The following PTCHD1 variants were observed in gnomAD, a reference collection of about 807,000 sequenced individuals.
The protein encoded by PTCHD1 is patched domain containing 1, also known as patched domain-containing protein 1.
A neutral mutation model predicts 34.6 loss-of-function variants in PTCHD1; 3 were observed. The ratio of observed to expected loss-of-function variants is 0.09; its 90% CI spans 0.04 to 0.22. PTCHD1 has a LOEUF of 0.22. PTCHD1 is among the 10% of genes least tolerant of loss of function. The probability of loss-of-function intolerance (pLI) is 1.00; values close to 1 mark genes in which losing one functional copy is unlikely to be tolerated. For missense variants in PTCHD1, 504 were observed against 685.5 expected, an observed-to-expected ratio of 0.74 and a Z score of 2.96; for synonymous variants, 305 against 283.1, an observed-to-expected ratio of 1.08 and a Z score of -0.77.
chrX:23,379,310 T>G (rs1405180863), intron 1 of PTCHD1, among the ~76,000 whole-genome samples: 1 of 111,893 alleles, frequency 8.9e-6, no homozygotes, highest in African/African-American at 3.3e-5. Flanking sequence ...CCCAGATTCC[T>G]GGGCTACACC....
chrX:23,400,014 T>C lies in PTCHD1; in HGVS notation c.*5829T>C, dbSNP rs1436133803. 1 of 112,000 alleles carries C rather than the reference T, an allele frequency of 8.9e-6. No individual in the cohort carries two copies. The highest frequency in any genetic ancestry group is 3.2e-5 in the African/African-American group (1 of 30,775). 9.2% of individuals were successfully genotyped at this position (112,000 alleles called of 1,213,427 possible). On this transcript the variant is annotated 3_prime_UTR_variant, in exon 3 of 3. Coordinates refer to ENST00000379361, the MANE Select transcript of PTCHD1 (RefSeq NM_173495.3). ...TGTTTACAACTGCATACCACATCCT[T>C]AGAAGGCCTGCTCCCAAATGAGCCC...
intron 1 of PTCHD1, among the ~76,000 whole-genome samples, chrX:23,362,623 G>A (rs908273855): frequency 8.9e-5 from 10 of 111,946 alleles, no homozygotes; most frequent in African/African-American, 2.9e-4. Context: ...TGAAGTCTAC[G>A]TCTGTCAGCT....
At chrX:23,385,443 G>C (rs1922663387) in intron 2 of PTCHD1, among the ~76,000 whole-genome samples, 1 of 111,339 alleles carries the variant, frequency 9.0e-6, no homozygotes. Flanking sequence ...TGGGTGGTCT[G>C]TCTACCCGGT....
chrX:23,384,903 A>G (rs990257659), intron 2 of PTCHD1, among the ~76,000 whole-genome samples: 1 of 112,040 alleles, frequency 8.9e-6, no homozygotes, highest in Non-Finnish European at 1.9e-5. Flanking sequence ...AGCCTAACAC[A>G]TTATTGTAGA....
At position 23,394,421 on chromosome X, in the gene PTCHD1, C is replaced by G. The variant is rs189253229; in HGVS notation, c.*236C>G. 3.3e-6 allele frequency: 1 copy of G among 300,658 alleles called. No individual in the cohort carries two copies. The highest frequency in any genetic ancestry group is 5.8e-5 in the East Asian group (1 of 17,312). The allele number at this position is 300,658 out of a possible 1,213,427, so 24.8% of individuals were successfully genotyped here. A position where few individuals can be genotyped will look rare whatever the true frequency, so the allele number is the denominator to read the frequency against. On this transcript the variant is annotated 3_prime_UTR_variant, in exon 3 of 3. Coordinates refer to ENST00000379361, the MANE Select transcript of PTCHD1 (RefSeq NM_173495.3). ...TCACACACACATAGACACACACACA[C>G]ACACACACACACACACACACACACA... is the stretch of plus-strand genomic sequence containing the variant.
chrX:23,361,143 G>A (rs951360243), intron 1 of PTCHD1, among the ~76,000 whole-genome samples: 1 of 111,753 alleles, frequency 8.9e-6, no homozygotes, highest in Non-Finnish European at 1.9e-5. Flanking sequence ...GGGGTGGAGA[G>A]TTCTGTAGGT....
rs750345943 is a variant in PTCHD1 at position 23,385,699 on chromosome X, G to A, written c.1012+5448G>A. Among the ~76,000 whole-genome samples the A allele has an allele frequency of 2.0e-4, 22 of 111,425 alleles. No homozygotes were observed. The East Asian group carries it at 5.4e-3, about 27-fold the overall frequency. On this transcript the variant is annotated intron_variant, in intron 2 of 2. Coordinates refer to ENST00000379361, the MANE Select transcript of PTCHD1 (RefSeq NM_173495.3). ...TCACCAAGGCTACTTTATTACTCAA[G>A]AACCAAAATATAGACAGATGGAGCC... is the stretch of plus-strand genomic sequence containing the variant.
At chrX:23,386,045 C>T (rs1198957360) in intron 2 of PTCHD1, among the ~76,000 whole-genome samples, 3 of 110,054 alleles carry the variant, frequency 2.7e-5, no homozygotes, top group Non-Finnish European at 5.7e-5. Context: ...ATATAGGAGT[C>T]CAACATTTTG....
Position 23,394,390 on chromosome X carries a change from G to T in PTCHD1, c.*205G>T. Reference sequence around the variant, plus strand: ...GTCTTTAAAACAAAGGAGTTGTTATGAGAATTCACACACACATAGACACAC... The same window carrying T: ...GTCTTTAAAACAAAGGAGTTGTTATTAGAATTCACACACACATAGACACAC... On this transcript the variant is annotated 3_prime_UTR_variant, in exon 3 of 3. Transcript: ENST00000379361. 3.4e-6 allele frequency: 1 copy of T among 296,971 alleles called. No homozygotes were observed. The highest frequency in any genetic ancestry group is 5.8e-6 in the Non-Finnish European group (1 of 171,308). The allele number at this position is 296,971 out of a possible 1,213,427, so 24.5% of individuals were successfully genotyped here. A position where few individuals can be genotyped will look rare whatever the true frequency, so the allele number is the denominator to read the frequency against.
In PTCHD1 at chrX:23,371,031, A is replaced by G. The variant is rs1887231069; in HGVS notation, c.352-8560A>G. On this transcript the variant is annotated intron_variant, in intron 1 of 2. Coordinates refer to ENST00000379361, the MANE Select transcript of PTCHD1 (RefSeq NM_173495.3). ...AGAGGCAGGAGGGGAAAGAACAAACACTGACGAAAGCTCAGGTAGGTGACT... is the reference window on the plus strand; with the variant it reads ...AGAGGCAGGAGGGGAAAGAACAAACGCTGACGAAAGCTCAGGTAGGTGACT... Among the ~76,000 whole-genome samples, 2 of 111,175 alleles carry G rather than the reference A, an allele frequency of 1.8e-5. 1 individual carries two copies. The highest frequency in any genetic ancestry group is 1.9e-4 in the Admixed American group (2 of 10,447).
chrX:23,403,307 A>T lies in PTCHD1; in HGVS notation c.*9122A>T, dbSNP rs1923167178. The T allele has an allele frequency of 8.9e-6, 1 of 112,221 alleles. No homozygotes were observed. Among genetic ancestry groups the T allele is most frequent in the Non-Finnish European group, 1.9e-5 (1 of 53,264 alleles). The allele number at this position is 112,221 out of a possible 1,213,427, so 9.2% of individuals were successfully genotyped here. A position where few individuals can be genotyped will look rare whatever the true frequency, so the allele number is the denominator to read the frequency against. On this transcript the variant is annotated 3_prime_UTR_variant, in exon 3 of 3. Coordinates refer to ENST00000379361, the MANE Select transcript of PTCHD1 (RefSeq NM_173495.3). ...AGGCAAGTGGGTGATTCTGGTCATAATAAACTATTTTCAAACTAGGAAAAA... is the reference window on the plus strand; with the variant it reads ...AGGCAAGTGGGTGATTCTGGTCATATTAAACTATTTTCAAACTAGGAAAAA...
intron 1 of PTCHD1, among the ~76,000 whole-genome samples, chrX:23,358,647 T>C (rs1921881577): frequency 8.9e-6 from 1 of 112,143 alleles, no homozygotes; most frequent in Non-Finnish European, 1.9e-5. Flanking sequence ...AGCTCTTTAG[T>C]TTAATTAGAC....
intron 1 of PTCHD1, among the ~76,000 whole-genome samples, chrX:23,345,553 G>A (rs1192364590): frequency 8.9e-6 from 1 of 112,140 alleles, no homozygotes; most frequent in Non-Finnish European, 1.9e-5. Context: ...GAGCAGATAG[G>A]CATTGGAGAA....
At chrX:23,358,956 G>C (rs1293511199) in intron 1 of PTCHD1, among the ~76,000 whole-genome samples, 1 of 112,090 alleles carries the variant, frequency 8.9e-6, no homozygotes, top group Non-Finnish European at 1.9e-5. Flanking sequence ...TCAGATGGTT[G>C]TAGATGCGTG....
intron 1 of PTCHD1, among the ~76,000 whole-genome samples, chrX:23,374,510 G>A (rs1479686429): frequency 1.8e-5 from 2 of 110,428 alleles, no homozygotes; most frequent in East Asian, 2.9e-4. Flanking sequence ...TCGTGACCAA[G>A]CAGCCCACAC....
intron 2 of PTCHD1, among the ~76,000 whole-genome samples, chrX:23,381,211 CAG>C (rs769412473): frequency 8.0e-5 from 9 of 112,301 alleles, no homozygotes; most frequent in African/African-American, 2.3e-4. Context: ...TGTGTCCACT[CAG>C]GGGGCTGCTG....
intron 2 of PTCHD1, among the ~76,000 whole-genome samples, chrX:23,384,610 A>G (rs752957213): frequency 8.9e-6 from 1 of 111,992 alleles, no homozygotes; most frequent in Non-Finnish European, 1.9e-5. Flanking sequence ...GGAGCTCATA[A>G]AAAGGGAAGG....
chrX:23,393,120 C>T lies in PTCHD1; in HGVS notation c.1602C>T (p.Thr534=), dbSNP rs1411581580. Residue 534 remains threonine (T), a synonymous_variant, in exon 3 of 3, where the codon ACC becomes ACT. Coordinates refer to ENST00000379361, the MANE Select transcript of PTCHD1 (RefSeq NM_173495.3). ...CAGACCTTAGTAACATTGTAGCAAC[C>T]GCGACACAAACCATTGAGTACACTA... ...EGSDLSNIVA[T]ATQTIEYTTA... 7.4e-6 allele frequency: 9 copies of T among 1,209,324 alleles called. No homozygotes were observed. Among genetic ancestry groups the T allele is most frequent in the Non-Finnish European group, 1.0e-5 (9 of 894,504 alleles).
intron 1 of PTCHD1, among the ~76,000 whole-genome samples, chrX:23,375,287 CT>C (rs72075900): frequency 8.2e-4 from 69 of 83,691 alleles, no homozygotes; most frequent in African/African-American, 9.1e-4. Flanking sequence ...GCTGACAATT[CT>C]TTTTTTTTTT....
Sources: gnomAD v4.1 joint callset for allele counts (sites outside exome capture counted in the v4.1 genomes callset) on GRCh38, gnomAD v4.1.1 for gene constraint, MANE v1.5 for transcripts, NCBI Gene and HGNC (gene_info 2026-07-23, HGNC 2026-07-21) for gene names.